Variants in AHI1 observed in about 807,000 individuals in gnomAD.
AHI1 encodes jouberin.
Under a neutral mutation model 149.3 loss-of-function variants are expected in AHI1, and 123 were observed. The observed-to-expected ratio is 0.82, with a 90% CI of 0.71 to 0.96. The LOEUF (loss-of-function observed/expected upper bound fraction) is 0.96, where lower values mean the gene tolerates loss of function less well. AHI1 is among the 40% of genes least tolerant of loss of function. The pLI, the probability that AHI1 is intolerant of heterozygous loss-of-function variation, is 0.00. For missense variants in AHI1, 1,439 were observed against 1,422.7 expected, an observed-to-expected ratio of 1.01 and a Z score of -0.18; for synonymous variants, 475 against 459.8, an observed-to-expected ratio of 1.03 and a Z score of -0.42.
intron 5 of AHI1, among the ~76,000 whole-genome samples, chr6:135,485,039 T>C (rs1257089863): frequency 2.0e-5 from 3 of 151,972 alleles, no homozygotes; most frequent in Non-Finnish European, 4.4e-5. Flanking sequence ...TAAAGCAACC[T>C]AACAATAATA....
At chr6:135,478,935 G>T (rs1386685676) in intron 5 of AHI1, among the ~76,000 whole-genome samples, 2 of 152,230 alleles carry the variant, frequency 1.3e-5, no homozygotes. Context: ...CCAAGATACA[G>T]CTCAGGCTAT....
At chr6:135,476,029 A>G (rs1255419017) in intron 5 of AHI1, among the ~76,000 whole-genome samples, 1 of 152,128 alleles carries the variant, frequency 6.6e-6, no homozygotes, top group Non-Finnish European at 1.5e-5. Context: ...TGTTCTTCAC[A>G]CTTTTTTAAG....
rs1376682622 is a variant in AHI1 at position 135,358,291 on chromosome 6, C to G, written c.3110-104G>C. On this transcript the variant is annotated intron_variant, in intron 23 of 28. Transcript: ENST00000265602. The stretch of plus-strand genomic sequence containing the variant: ...GGAAAAACATTTATTATGACTCACA[C>G]AGCTTCCAAGAAAAAAGTCTCACTT... 4.1e-6 allele frequency: 4 copies of G among 980,652 alleles called. No individual in the cohort carries two copies. The African/African-American group carries it at 6.6e-5, about 16-fold the overall frequency. The allele number at this position is 980,652 out of a possible 1,614,324, so 60.7% of individuals were successfully genotyped here. A position where few individuals can be genotyped will look rare whatever the true frequency, so the allele number is the denominator to read the frequency against.
At chr6:135,301,247 T>C in intron 26 of AHI1, 1 of 984,358 alleles carries the variant, frequency 1.0e-6, no homozygotes, top group Non-Finnish European at 1.2e-6. Context: ...GATAATCACG[T>C]TATGGAAAGG....
chr6:135,486,559 A>C (rs936206498), intron 5 of AHI1, among the ~76,000 whole-genome samples: 1 of 152,136 alleles, frequency 6.6e-6, no homozygotes, highest in African/African-American at 2.4e-5. Flanking sequence ...TTATTCTTTT[A>C]ACAAGATTAA....
At chr6:135,348,591 T>A (rs964814353) in intron 24 of AHI1, among the ~76,000 whole-genome samples, 2 of 152,134 alleles carry the variant, frequency 1.3e-5, no homozygotes, top group South Asian at 2.1e-4. Context: ...GGAAAAAAAA[T>A]TGTTGCCATT....
chr6:135,407,476 T>A (rs1036415062), intron 21 of AHI1, among the ~76,000 whole-genome samples: 1 of 152,120 alleles, frequency 6.6e-6, no homozygotes, highest in African/African-American at 2.4e-5. Flanking sequence ...GCAGATAGCA[T>A]CAGAAAAATA....
At chr6:135,318,881 G>C (rs902403634) in intron 25 of AHI1, among the ~76,000 whole-genome samples, 1 of 152,178 alleles carries the variant, frequency 6.6e-6, no homozygotes. Context: ...TGGTCAGACA[G>C]ATGCTTATTT....
intron 5 of AHI1, among the ~76,000 whole-genome samples, chr6:135,472,018 C>CAAAAAAAAACAAAA (rs1791807973): frequency 1.8e-5 from 1 of 54,418 alleles, no homozygotes; most frequent in Non-Finnish European, 3.1e-5. Context: ...GACTCCGTCT[C>CAAAAAAAAACAAAA]AAAAAAAAAA....
At position 135,311,139 on chromosome 6, in the gene AHI1, T is replaced by G. The variant is rs577414604; in HGVS notation, c.3426+7380A>C. On this transcript the variant is annotated intron_variant, in intron 26 of 28. Coordinates refer to ENST00000265602, the MANE Select transcript of AHI1 (RefSeq NM_001134831.2). ...CAGCATGGTGAAACCCCATCTCTAC[T>G]AAAAGTACAAACATTAGCAGGGCAT... 6.6e-5 allele frequency among the ~76,000 whole-genome samples: 10 copies of G among 151,826 alleles called. No homozygotes were observed. In the East Asian group the frequency reaches 1.9e-3, roughly 29 times the overall value.
chr6:135,415,083 G>A (rs1011644760), intron 20 of AHI1, among the ~76,000 whole-genome samples: 3 of 150,318 alleles, frequency 2.0e-5, no homozygotes, highest in South Asian at 2.1e-4. Flanking sequence ...TTGTCCTTGC[G>A]ATAGTTTGCT....
At position 135,444,313 on chromosome 6, in the gene AHI1, C is replaced by T. The variant is rs1164403730; in HGVS notation, c.1780-1599G>A. Reference sequence around the variant, plus strand: ...TTTTCTCACTCACCCGAAAACCTTCCATTATTCCTCACATCCCTCACAATC... The same window carrying T: ...TTTTCTCACTCACCCGAAAACCTTCTATTATTCCTCACATCCCTCACAATC... On this transcript the variant is annotated intron_variant, in intron 13 of 28. Transcript: ENST00000265602. 3.3e-5 allele frequency among the ~76,000 whole-genome samples: 5 copies of T among 152,168 alleles called. No individual in the cohort carries two copies. In the East Asian group the frequency reaches 9.6e-4, roughly 29 times the overall value.
At chr6:135,371,542 A>G (rs1195447420) in intron 23 of AHI1, among the ~76,000 whole-genome samples, 1 of 152,178 alleles carries the variant, frequency 6.6e-6, no homozygotes, top group African/African-American at 2.4e-5. Context: ...GCAGAGTCTT[A>G]TCATTCTTCT....
chr6:135,381,562 C>T (rs951414164), intron 23 of AHI1, among the ~76,000 whole-genome samples: 1 of 152,136 alleles, frequency 6.6e-6, no homozygotes, highest in African/African-American at 2.4e-5. Context: ...AGGCCAGCAA[C>T]GAAATCCAGA....
chr6:135,344,688 T>G (rs1424162759), intron 24 of AHI1, among the ~76,000 whole-genome samples: 1 of 150,812 alleles, frequency 6.6e-6, no homozygotes, highest in African/African-American at 2.4e-5. Context: ...TCCTTTCCTT[T>G]TCTTTCTTTT....
chr6:135,457,802 A>G (rs1388810447), intron 8 of AHI1, 89 bp from the exon 9 acceptor site: 2 of 1,255,782 alleles, frequency 1.6e-6, no homozygotes, highest in Non-Finnish European at 2.3e-6. Flanking sequence ...ATCTGTGATG[A>G]TCTCACTGTG....
chr6:135,460,857 A>G (rs1271085028), intron 8 of AHI1, among the ~76,000 whole-genome samples: 2 of 152,206 alleles, frequency 1.3e-5, no homozygotes, highest in Admixed American at 6.5e-5. Flanking sequence ...GTACTGGGTC[A>G]ATCATAATAT....
chr6:135,357,142 T>C (rs1407432931), intron 24 of AHI1, among the ~76,000 whole-genome samples: 1 of 152,204 alleles, frequency 6.6e-6, no homozygotes, highest in African/African-American at 2.4e-5. Context: ...TTTCACCATG[T>C]TGGCCAGGAT....
chr6:135,404,427 T>C (rs1307133624), intron 22 of AHI1, among the ~76,000 whole-genome samples: 2 of 152,214 alleles, frequency 1.3e-5, no homozygotes, highest in Non-Finnish European at 2.9e-5. Flanking sequence ...AACTTCAGTC[T>C]CCTCCTTTCT....
Sources: allele counts gnomAD v4.1 joint callset (sites outside exome capture counted in the v4.1 genomes callset), GRCh38; gene constraint gnomAD v4.1.1; transcripts MANE v1.5; gene names NCBI Gene and HGNC (gene_info 2026-07-23, HGNC 2026-07-21).